The following TBL3 variants were observed in gnomAD, a reference collection of about 807,000 sequenced individuals.
TBL3 encodes transducin beta-like protein 3.
Under a neutral mutation model 102.7 loss-of-function variants are expected in TBL3, and 71 were observed. That is an observed-to-expected ratio of 0.69 (90% confidence interval 0.57 to 0.84). The LOEUF (loss-of-function observed/expected upper bound fraction) is 0.84, where lower values mean the gene tolerates loss of function less well. Among genes scored for constraint, TBL3 ranks in the 40% least tolerant of loss-of-function variants. The pLI is 0.00. For synonymous variants in TBL3, 578 were observed against 477.7 expected, an observed-to-expected ratio of 1.21 and a Z score of -2.74; for missense variants, 1,188 against 1,098.5, an observed-to-expected ratio of 1.08 and a Z score of -1.15.
At position 1,980,456 on chromosome 16, in the gene TBL3, C is replaced by T. The variant is rs748507828; in HGVS notation, c.*1771C>T. 4 of 1,601,880 alleles carry T rather than the reference C, an allele frequency of 2.5e-6. No individual in the cohort carries two copies. The South Asian group carries it at 3.3e-5, about 13-fold the overall frequency. ...GGCTCCGTGCCACGCGCTCTGCAGT[C>T]GCCAGCAGCCTCCGAGAATAGGTTT... On this transcript the variant is annotated 3_prime_UTR_variant, in exon 22 of 22. Coordinates refer to ENST00000568546, the MANE Select transcript of TBL3 (RefSeq NM_006453.3).
Position 1,978,317 on chromosome 16 carries a change from C to G in TBL3, c.2139C>G (p.Ala713=). 1 of 1,609,712 alleles carries G rather than the reference C, an allele frequency of 6.2e-7. No homozygotes were observed. The highest frequency in any genetic ancestry group is 8.5e-7 in the Non-Finnish European group (1 of 1,177,970). The change falls in exon 21 of 22, where the codon GCC becomes GCG. Residue 713 remains alanine (A), a synonymous_variant. Transcript: ENST00000568546. ...MLRLRRDQKE[A]LLRFCVTWNT... ...TGAGGGTCCTGTTGCCCACAGAGGC[C>G]CTGCTGCGCTTCTGCGTCACGTGGA...
At chr16:1,973,971 C>T in intron 1 of TBL3, 85 bp from the exon 2 acceptor site, 1 of 1,399,728 alleles carries the variant, frequency 7.1e-7, no homozygotes, top group Non-Finnish European at 9.4e-7. Context: ...ATTGGGGTCA[C>T]TTGGAGAGGA....
chr16:1,975,410 G>T lies in TBL3; in HGVS notation c.777G>T (p.Gly259=). 1 of 1,613,898 alleles carries T rather than the reference G, an allele frequency of 6.2e-7. No individual in the cohort carries two copies. Among genetic ancestry groups the T allele is most frequent in the Middle Eastern group, 1.7e-4 (1 of 6,054 alleles). ...PVSQLGVKSP[G]LYFLTAGDQG... ...CCCAGCTGGGTGTGAAGTCCCCAGGGCTGTACTTTCTGACAGCTGGCGACC... is the reference window on the plus strand; with the variant it reads ...CCCAGCTGGGTGTGAAGTCCCCAGGTCTGTACTTTCTGACAGCTGGCGACC... The change falls in exon 9 of 22, where the codon GGG becomes GGT. Residue 259 remains glycine, a synonymous_variant. Transcript: ENST00000568546.
rs961426953 is a variant in TBL3, at chr16:1,978,854, C to T, written c.*169C>T. On this transcript the variant is annotated 3_prime_UTR_variant, in exon 22 of 22. Transcript: ENST00000568546. ...GCTGATGGTCTCGGCCCTGCCACGC[C>T]CATCCCGCACCCTGGCCTGGCAGAG... 7 of 1,110,956 alleles carry T rather than the reference C, an allele frequency of 6.3e-6. No individual in the cohort carries two copies. In the African/African-American group the frequency reaches 1.1e-4, roughly 17 times the overall value. 68.8% of individuals were successfully genotyped at this position (1,110,956 alleles called of 1,614,324 possible). A position where few individuals can be genotyped will look rare whatever the true frequency, so the allele number is the denominator to read the frequency against.
chr16:1,975,242 A>C lies in TBL3; in HGVS notation c.691A>C (p.Arg231=). 6.2e-7 allele frequency: 1 copy of C among 1,613,898 alleles called. No individual in the cohort carries two copies. Among genetic ancestry groups the C allele is most frequent in the East Asian group, 2.2e-5 (1 of 44,872 alleles). Residue 231 remains arginine, a synonymous_variant, in exon 8 of 22, where the codon AGG becomes CGG. Coordinates refer to ENST00000568546, the MANE Select transcript of TBL3 (RefSeq NM_006453.3). ...GGACCTTCAGAGCTGCCAGGCCACGAGGACCGTGCCTGTGTTTGAGGTGGG... is the reference window on the plus strand; with the variant it reads ...GGACCTTCAGAGCTGCCAGGCCACGCGGACCGTGCCTGTGTTTGAGGTGGG... The part of the protein sequence containing the change: ...IWDLQSCQAT[R]TVPVFESVEA...
At position 1,975,267 on chromosome 16, in the gene TBL3, GGAT is replaced by G; in HGVS notation, c.711+7_711+9del. On this transcript the variant is annotated splice_donor_region_variant and intron_variant, in intron 8 of 21. Coordinates refer to ENST00000568546, the MANE Select transcript of TBL3 (RefSeq NM_006453.3). Reference sequence around the variant, plus strand: ...AGGACCGTGCCTGTGTTTGAGGTGGGGATGCCTGGAGGCCAGGGCTGGTTGAGT... The same window carrying G: ...AGGACCGTGCCTGTGTTTGAGGTGGGGCCTGGAGGCCAGGGCTGGTTGAGT... 6.2e-7 allele frequency: 1 copy of G among 1,613,976 alleles called. No homozygotes were observed. Among genetic ancestry groups the G allele is most frequent in the Non-Finnish European group, 8.5e-7 (1 of 1,180,026 alleles).
chr16:1,975,243 G>A lies in TBL3; in HGVS notation c.692G>A (p.Arg231Lys), dbSNP rs1459002687. The change falls in exon 8 of 22, where the codon AGG becomes AAG. Residue 231 changes from arginine to lysine, a missense_variant. Coordinates refer to ENST00000568546, the MANE Select transcript of TBL3 (RefSeq NM_006453.3). ...GACCTTCAGAGCTGCCAGGCCACGA[G>A]GACCGTGCCTGTGTTTGAGGTGGGG... The part of the protein sequence containing the change: ...IWDLQSCQAT[R>K]TVPVFESVEA... 2.5e-6 allele frequency: 4 copies of A among 1,613,834 alleles called. No homozygotes were observed. The African/African-American group carries it at 4.0e-5, about 16-fold the overall frequency.
rs766819808 is a variant in TBL3 at position 1,974,131 on chromosome 16, G to A, written c.93+24G>A. The A allele has an allele frequency of 8.9e-6, 14 of 1,572,962 alleles. 1 individual carries two copies. In the African/African-American group the frequency reaches 1.6e-4, roughly 18 times the overall value. ...AGGTACCAGCCTGGGGAAGGGCAGT[G>A]GGGCGGGCAGCCAGAGGCCGCGGGG... On this transcript the variant is annotated intron_variant, in intron 2 of 21. Coordinates refer to ENST00000568546, the MANE Select transcript of TBL3 (RefSeq NM_006453.3).
chr16:1,978,741 C>G lies in TBL3; in HGVS notation c.*56C>G. ...ACCCCTGGAAAACCCATAAAGGCCG[C>G]TCTCCTGGCCGGCTCTGTCTCTCTG... On this transcript the variant is annotated 3_prime_UTR_variant, in exon 22 of 22. Transcript: ENST00000568546. 6.4e-7 allele frequency: 1 copy of G among 1,571,292 alleles called. No individual in the cohort carries two copies. Among genetic ancestry groups the G allele is most frequent in the Admixed American group, 1.8e-5 (1 of 56,848 alleles).
chr16:1,978,803 A>AC lies in TBL3; in HGVS notation c.*120dup. On this transcript the variant is annotated 3_prime_UTR_variant, in exon 22 of 22. Transcript: ENST00000568546. ...AGCCCCCCACCCTGGCCAACACCCT[A>AC]CCTAGCCAGCCAGAAGGGCACTGGA... 1 of 1,332,742 alleles carries AC rather than the reference A, an allele frequency of 7.5e-7. No homozygotes were observed. Among genetic ancestry groups the AC allele is most frequent in the Non-Finnish European group, 1.0e-6 (1 of 977,136 alleles). The allele number at this position is 1,332,742 out of a possible 1,614,324, so 82.6% of individuals were successfully genotyped here. A position where few individuals can be genotyped will look rare whatever the true frequency, so the allele number is the denominator to read the frequency against.
intron 1 of TBL3, among the ~76,000 whole-genome samples, chr16:1,972,841 C>T (rs2083370131): frequency 6.6e-6 from 1 of 152,152 alleles, no homozygotes; most frequent in African/African-American, 2.4e-5. Flanking sequence ...GGTGCGGGGG[C>T]TGAGGGGCCG....
chr16:1,974,354 G>T (rs3743850), intron 3 of TBL3, 22 bp from the exon 4 acceptor site: 208,506 of 1,601,960 alleles, frequency 0.13, 15,080 homozygotes, highest in South Asian at 0.23. Context: ...CACCGTGCTC[G>T]GCACACCACT....
intron 11 of TBL3, 40 bp from the exon 12 acceptor site, chr16:1,976,016 C>T (rs774366190): frequency 1.1e-5 from 18 of 1,614,064 alleles, no homozygotes; most frequent in Non-Finnish European, 1.2e-5. Flanking sequence ...TCCCTTCCCC[C>T]GTCTTGCTGT....
Position 1,977,631 on chromosome 16 carries a change from C to T in TBL3, c.1860C>T (p.Ala620=). ...ACTGCAGCCGGCTGGACGACCACGC[C>T]CTCACTGGGGCCAGTGACTCCCGAG... ...GLHCSRLDDH[A]LTGASDSRVI... The change falls in exon 17 of 22, where the codon GCC becomes GCT. Residue 620 remains alanine, a synonymous_variant. Transcript: ENST00000568546. 1 of 1,553,674 alleles carries T rather than the reference C, an allele frequency of 6.4e-7. No individual in the cohort carries two copies. The highest frequency in any genetic ancestry group is 8.7e-7 in the Non-Finnish European group (1 of 1,148,118).
Position 1,979,275 on chromosome 16 carries a change from G to C in TBL3, c.*590G>C. 6.5e-7 allele frequency: 1 copy of C among 1,549,450 alleles called. No homozygotes were observed. The highest frequency in any genetic ancestry group is 8.7e-7 in the Non-Finnish European group (1 of 1,155,438). On this transcript the variant is annotated 3_prime_UTR_variant, in exon 22 of 22. Coordinates refer to ENST00000568546, the MANE Select transcript of TBL3 (RefSeq NM_006453.3). ...CGGGTCGTCTCCTCCACGGAACCCC[G>C]TCCCGCTCAGGAGAGCGCCCAGCCC...
Position 1,978,044 on chromosome 16 carries a change from TG to T in TBL3, c.2046del (p.Leu683Ter). Reference protein sequence around the residue: ...LAISLDRPHTVLTVIQAIRRD... With the variant: ...LAISLDRPHTXLTVIQAIRRD... ...ATCTCCCTGGATCGGCCCCACACCG[TG>T]CTGACTGTCATCCAGGGTCAGTGCC... On this transcript the variant is annotated frameshift_variant, in exon 19 of 22. Transcript: ENST00000568546. LOFTEE classifies it high-confidence loss of function. The T allele has an allele frequency of 6.2e-7, 1 of 1,605,682 alleles. No homozygotes were observed. The highest frequency in any genetic ancestry group is 8.5e-7 in the Non-Finnish European group (1 of 1,175,676).
chr16:1,972,194 C>T lies in TBL3; in HGVS notation c.30C>T (p.Arg10=). 7.1e-7 allele frequency: 1 copy of T among 1,412,834 alleles called. No homozygotes were observed. Among genetic ancestry groups the T allele is most frequent in the African/African-American group, 1.5e-5 (1 of 65,992 alleles). The allele number at this position is 1,412,834 out of a possible 1,614,324, so 87.5% of individuals were successfully genotyped here. A position where few individuals can be genotyped will look rare whatever the true frequency, so the allele number is the denominator to read the frequency against. Residue 10 remains arginine, a synonymous_variant, in exon 1 of 22, where the codon CGC becomes CGT. Coordinates refer to ENST00000568546, the MANE Select transcript of TBL3 (RefSeq NM_006453.3). MAETAAGVG[R]FKTNYAVERK... ...CAGAGACCGCGGCCGGAGTGGGCCG[C>T]TTCAAGACCAAGTGAGCCCGGAGCT...
In TBL3 at chr16:1,975,628, A is replaced by ACACCGCCGGCGTGGTCCT. The variant is rs1463542810; in HGVS notation, c.913_930dup (p.Gly305_Ala310dup). 8.7e-6 allele frequency: 14 copies of ACACCGCCGGCGTGGTCCT among 1,603,584 alleles called. No individual in the cohort carries two copies. In the Admixed American group the frequency reaches 1.2e-4, roughly 13 times the overall value. On this transcript the variant is annotated inframe_insertion, in exon 10 of 22. Transcript: ENST00000568546. ...GAGCTGACCCACTGCACCCTGGCACACACCGCCGGCGTGGTCCTCACCGCC... is the reference window on the plus strand; with the variant it reads ...GAGCTGACCCACTGCACCCTGGCACACACCGCCGGCGTGGTCCTCACCGCCGGCGTGGTCCTCACCGCC...
chr16:1,974,157 G>T (rs1213972485), intron 2 of TBL3, 40 bp from the exon 3 acceptor site: 10 of 1,562,490 alleles, frequency 6.4e-6, no homozygotes, highest in Middle Eastern at 1.7e-4. Flanking sequence ...GGCCGCGGGG[G>T]GTGCTGAATG....
Sources: allele counts gnomAD v4.1 joint callset (sites outside exome capture counted in the v4.1 genomes callset), GRCh38; gene constraint gnomAD v4.1.1; transcripts MANE v1.5; gene names NCBI Gene and HGNC (gene_info 2026-07-23, HGNC 2026-07-21).